Variants in KDM6A observed in about 807,000 individuals in gnomAD.
The protein encoded by KDM6A is lysine-specific demethylase 6A.
A neutral mutation model predicts 117.6 loss-of-function variants in KDM6A; 11 were observed. The ratio of observed to expected loss-of-function variants is 0.09; its 90% confidence interval spans 0.06 to 0.15. The LOEUF (loss-of-function observed/expected upper bound fraction) is 0.15. KDM6A is among the 10% of genes least tolerant of loss of function. KDM6A has a pLI of 1.00. For missense variants in KDM6A, 799 were observed against 1,077.3 expected (o/e 0.74, Z 3.62); for synonymous variants, 384 against 396.1 (o/e 0.97, Z 0.36).
chrX:44,883,176 C>G (rs375203516), intron 2 of KDM6A, among the ~76,000 whole-genome samples: 2 of 108,748 alleles, frequency 1.8e-5, no homozygotes, highest in African/African-American at 6.7e-5. Flanking sequence ...TCAAGCAATT[C>G]TCCTGTCTCA....
rs2147776311 is a variant in KDM6A at position 45,034,927 on chromosome X, G to A, written c.565-4G>A. 3.3e-6 allele frequency: 4 copies of A among 1,203,682 alleles called. No individual in the cohort carries two copies. Among genetic ancestry groups the A allele is most frequent in the East Asian group, 3.0e-5 (1 of 33,777 alleles). On this transcript the variant is annotated splice_region_variant and splice_polypyrimidine_tract_variant and intron_variant, in intron 6 of 29. Transcript: ENST00000611820. The stretch of plus-strand genomic sequence containing the variant: ...GCATTAATTTTCTCACTCTCGTCTT[G>A]CAGCATTTTCAGTTAGCTTTGGTTG...
At chrX:44,896,888 C>G (rs1009517791) in intron 2 of KDM6A, among the ~76,000 whole-genome samples, 17 of 109,815 alleles carry the variant, frequency 1.5e-4, no homozygotes. Context: ...TATCATTTCT[C>G]TCTGGCTGTT....
chrX:45,040,233 ACCT>A (rs1478714046), intron 8 of KDM6A, among the ~76,000 whole-genome samples: 1 of 88,849 alleles, frequency 1.1e-5, no homozygotes, highest in African/African-American at 4.3e-5. Context: ...GGCGCCCCTC[ACCT>A]CCTGGATAGG....
chrX:44,987,693 C>A (rs1371477308), intron 4 of KDM6A, among the ~76,000 whole-genome samples: 1 of 111,398 alleles, frequency 9.0e-6, no homozygotes, highest in Admixed American at 9.5e-5. Flanking sequence ...ATATGAAATT[C>A]TGGGTTGAAA....
At chrX:45,108,053 A>G (rs1382430090) in intron 28 of KDM6A, among the ~76,000 whole-genome samples, 1 of 111,865 alleles carries the variant, frequency 8.9e-6, no homozygotes, top group African/African-American at 3.3e-5. Context: ...GACTATGATG[A>G]ATGTGAAGTT....
intron 2 of KDM6A, among the ~76,000 whole-genome samples, chrX:44,900,407 A>G (rs999164859): frequency 8.9e-6 from 1 of 112,076 alleles, no homozygotes; most frequent in South Asian, 3.6e-4. Context: ...AGCAATGTAC[A>G]TGTAGTAAAG....
intron 10 of KDM6A, among the ~76,000 whole-genome samples, chrX:45,058,086 C>A (rs868118170): frequency 1.3e-5 from 1 of 75,568 alleles, no homozygotes; most frequent in South Asian, 1.1e-3. Context: ...CCCCCCCCCC[C>A]CTTTTTTTTT....
chrX:45,081,065 C>T (rs773950782), intron 21 of KDM6A, among the ~76,000 whole-genome samples: 13 of 111,402 alleles, frequency 1.2e-4, no homozygotes, highest in African/African-American at 3.9e-4. Flanking sequence ...CCCGAGTAGC[C>T]GGGATTACAG....
chrX:45,068,829 C>T (rs6611064), intron 17 of KDM6A, among the ~76,000 whole-genome samples: 501 of 13,053 alleles, frequency 0.038, 4 homozygotes, highest in East Asian at 0.11. Flanking sequence ...TTTCTCTTTC[C>T]CTTTCCCTTT....
chrX:44,920,877 CTT>C (rs778080296), intron 2 of KDM6A, among the ~76,000 whole-genome samples: 5 of 81,467 alleles, frequency 6.1e-5, no homozygotes, highest in Admixed American at 1.3e-4. Context: ...TTTTCTTTTT[CTT>C]TTTTTTTTTT....
chrX:45,012,884 G>C (rs1292557032), intron 5 of KDM6A, among the ~76,000 whole-genome samples: 2 of 111,413 alleles, frequency 1.8e-5, no homozygotes, highest in African/African-American at 6.5e-5. Flanking sequence ...TAAATCTTAG[G>C]AAGGTATAAT....
At chrX:44,902,096 G>A (rs59800914) in intron 2 of KDM6A, among the ~76,000 whole-genome samples, 4,212 of 110,520 alleles carry the variant, frequency 0.038, 215 homozygotes, top group African/African-American at 0.13. Flanking sequence ...GTATGGTGGC[G>A]CACGCCTGTA....
rs1032859970 is a variant in KDM6A at position 45,083,573 on chromosome X, A to G, written c.3554A>G (p.Gln1185Arg). Residue 1185 changes from glutamine (Q) to arginine (R), a missense_variant, in exon 24 of 30, where the codon CAA becomes CGA. Gln to Arg is a conservative substitution (Grantham distance 43). Transcript: ENST00000611820. ...ACCATATTGGGCATGAACACAGTTCAACTATACATGAAAGTTCCAGGGAGC... is the reference window on the plus strand; with the variant it reads ...ACCATATTGGGCATGAACACAGTTCGACTATACATGAAAGTTCCAGGGAGC... ...GHTILGMNTV[Q>R]LYMKVPGSRT... 7 of 1,209,904 alleles carry G rather than the reference A, an allele frequency of 5.8e-6. No homozygotes were observed. The highest frequency in any genetic ancestry group is 6.7e-6 in the Non-Finnish European group (6 of 893,585).
rs1356172880 is a variant in KDM6A at position 45,112,645 on chromosome X, T to C, written c.*1234T>C. On this transcript the variant is annotated 3_prime_UTR_variant, in exon 30 of 30. Coordinates refer to ENST00000611820, the MANE Select transcript of KDM6A (RefSeq NM_001291415.2). ...AAACAAATAGTGATTGAACTTAAGA[T>C]TTTAAAGGGACTGTTATATGGGCTT... is the stretch of plus-strand genomic sequence containing the variant. 2 of 127,148 alleles carry C rather than the reference T, an allele frequency of 1.6e-5. No homozygotes were observed. The highest frequency in any genetic ancestry group is 3.2e-5 in the Non-Finnish European group (2 of 61,760). 10.5% of individuals were successfully genotyped at this position (127,148 alleles called of 1,213,427 possible).
Position 44,920,449 on chromosome X carries a change from T to A in KDM6A, c.226-40835T>A, listed in dbSNP as rs1042533294. Among the ~76,000 whole-genome samples the A allele has an allele frequency of 2.0e-3, 226 of 110,878 alleles. 3 individuals are homozygous for A. The highest frequency in any genetic ancestry group is 7.0e-3 in the African/African-American group (216 of 30,661). On this transcript the variant is annotated intron_variant, in intron 2 of 29. Transcript: ENST00000611820. ...ATCTTTTTACTTTTATTTTATTTTT[T>A]TTTTTTTGAGACGGAGTCTCGCTCT...
chrX:44,985,722 C>A (rs1364204479), intron 4 of KDM6A, among the ~76,000 whole-genome samples: 2 of 111,698 alleles, frequency 1.8e-5, no homozygotes, highest in African/African-American at 6.5e-5. Flanking sequence ...TACTCATTTG[C>A]GTATGTTGAA....
chrX:45,040,677 C>T (rs1284218751), intron 8 of KDM6A, among the ~76,000 whole-genome samples: 2 of 62,635 alleles, frequency 3.2e-5, no homozygotes, highest in Non-Finnish European at 6.0e-5. Flanking sequence ...GGGGGGCTGA[C>T]CCCCCCCACC....
At chrX:44,993,041 A>G (rs2040697267) in intron 4 of KDM6A, among the ~76,000 whole-genome samples, 1 of 112,135 alleles carries the variant, frequency 8.9e-6, no homozygotes, top group Admixed American at 9.5e-5. Context: ...TGAGGAAAGA[A>G]TATGAGTTTT....
At chrX:44,981,995 A>G (rs1339422314) in intron 4 of KDM6A, among the ~76,000 whole-genome samples, 4 of 112,108 alleles carry the variant, frequency 3.6e-5, no homozygotes, top group African/African-American at 1.3e-4. Flanking sequence ...GAGGCAGAGA[A>G]TCGCTTGAAC....
Sources: gnomAD v4.1 joint callset for allele counts (sites outside exome capture counted in the v4.1 genomes callset) on GRCh38, gnomAD v4.1.1 for gene constraint, MANE v1.5 for transcripts, NCBI Gene and HGNC (gene_info 2026-07-23, HGNC 2026-07-21) for gene names.